MFHAS1: variants seen among roughly 807,000 people sequenced by gnomAD.
The protein encoded by MFHAS1 is malignant fibrous histiocytoma-amplified sequence 1.
MFHAS1 carries 50 observed loss-of-function variants against 70.4 expected under a neutral mutation model. The observed-to-expected ratio is 0.71, with a 90% CI of 0.57 to 0.90. The LOEUF (loss-of-function observed/expected upper bound fraction) is 0.90. MFHAS1 is among the 40% of genes least tolerant of loss of function. MFHAS1 has a pLI of 0.00. For synonymous variants in MFHAS1, 952 were observed against 620.0 expected (o/e 1.54, Z -7.96); for missense variants, 1,795 against 1,347.6 (o/e 1.33, Z -5.20).
chr8:8,812,397 C>G (rs1299335058), intron 1 of MFHAS1, among the ~76,000 whole-genome samples: 1 of 152,298 alleles, frequency 6.6e-6, no homozygotes. Flanking sequence ...GGGCACATCT[C>G]TGGAGATCTT....
At position 8,891,735 on chromosome 8, in the gene MFHAS1, C is replaced by G. The variant is rs139200475; in HGVS notation, c.1324G>C (p.Asp442His). ...GACGGTGGGTAGCACTTCTCCTTGT[C>G]CCCTCCTCCTGGGCATCCCTCCACT... ...ERVEGCPGGG[D>H]KEKCYPPSPP... The change falls in exon 1 of 3, where the codon GAC (aspartate) becomes CAC (histidine). Residue 442 changes from aspartate (D) to histidine (H), a missense_variant. Transcript: ENST00000276282. The surrounding 1 kb of genome is among the most constrained non-coding windows in gnomAD (Gnocchi z 5.4). 2 of 1,613,416 alleles carry G rather than the reference C, an allele frequency of 1.2e-6. No homozygotes were observed. Among genetic ancestry groups the G allele is most frequent in the Non-Finnish European group, 8.5e-7 (1 of 1,180,028 alleles).
At chr8:8,868,670 G>A (rs1808954495) in intron 1 of MFHAS1, among the ~76,000 whole-genome samples, 2 of 152,108 alleles carry the variant, frequency 1.3e-5, no homozygotes, top group African/African-American at 2.4e-5. Flanking sequence ...CCTCTCTAAT[G>A]AATTACTCAT....
chr8:8,841,244 G>A (rs1010202339), intron 1 of MFHAS1, among the ~76,000 whole-genome samples: 7 of 152,166 alleles, frequency 4.6e-5, no homozygotes, highest in Non-Finnish European at 8.8e-5. Context: ...GGAGGCCGAG[G>A]CAGGCGGATC....
At chr8:8,794,432 G>C (rs758161063) in intron 2 of MFHAS1, among the ~76,000 whole-genome samples, 7 of 152,230 alleles carry the variant, frequency 4.6e-5, no homozygotes, top group Admixed American at 2.6e-4. Context: ...GACCTTCCCC[G>C]GAGCCTGGCC....
In MFHAS1 at chr8:8,785,259, G is replaced by A. The variant is rs1805498139; in HGVS notation, c.*763C>T. The A allele has an allele frequency of 6.6e-6, 1 of 152,134 alleles. No individual in the cohort carries two copies. Among genetic ancestry groups the A allele is most frequent in the African/African-American group, 2.4e-5 (1 of 41,424 alleles). The allele number at this position is 152,134 out of a possible 1,614,324, so 9.4% of individuals were successfully genotyped here. A position where few individuals can be genotyped will look rare whatever the true frequency, so the allele number is the denominator to read the frequency against. On this transcript the variant is annotated 3_prime_UTR_variant, in exon 3 of 3. Transcript: ENST00000276282. ...AGGATTTCCCACCAGCGTGCCAGATGATTTATATAGGCAGGGACCTTCATT... is the reference window on the plus strand; with the variant it reads ...AGGATTTCCCACCAGCGTGCCAGATAATTTATATAGGCAGGGACCTTCATT...
At chr8:8,839,451 A>T (rs1403575607) in intron 1 of MFHAS1, among the ~76,000 whole-genome samples, 1 of 152,204 alleles carries the variant, frequency 6.6e-6, no homozygotes, top group East Asian at 1.9e-4. Flanking sequence ...CCTTTAACAA[A>T]TATCACAGAA....
Position 8,892,065 on chromosome 8 carries a change from G to A in MFHAS1, c.994C>T (p.Arg332Cys), listed in dbSNP as rs761180944. 4 of 1,613,222 alleles carry A rather than the reference G, an allele frequency of 2.5e-6. No individual in the cohort carries two copies. Among genetic ancestry groups the A allele is most frequent in the Admixed American group, 1.7e-5 (1 of 60,006 alleles). ...TCCACGATGGAGTCCGGCAGGTAGCGGATGCGGTTATTATCCAGCCACAAG... is the reference window on the plus strand; with the variant it reads ...TCCACGATGGAGTCCGGCAGGTAGCAGATGCGGTTATTATCCAGCCACAAG... ...LTLWLDNNRIRYLPDSIVELT... is the reference protein window; with the variant it reads ...LTLWLDNNRICYLPDSIVELT... Residue 332 changes from arginine (R) to cysteine (C), a missense_variant, in exon 1 of 3, where the codon CGC becomes TGC. By Grantham distance (180) the Arg-to-Cys change is radical (BLOSUM62 -3). Transcript: ENST00000276282. This position sits in a 1 kb window ranked among gnomAD's most constrained non-coding sequence, Gnocchi z 4.7.
intron 1 of MFHAS1, among the ~76,000 whole-genome samples, chr8:8,813,939 C>CCT (rs1554478223): frequency 7.2e-6 from 1 of 138,572 alleles, no homozygotes; most frequent in African/African-American, 2.6e-5. Context: ...ACATTTTTAT[C>CCT]TTTTTTTTTT....
chr8:8,879,797 C>G (rs965619380), intron 1 of MFHAS1, among the ~76,000 whole-genome samples: 1 of 152,192 alleles, frequency 6.6e-6, no homozygotes, highest in African/African-American at 2.4e-5. Flanking sequence ...ACTCCCAGTT[C>G]AGTACAAACT....
intron 1 of MFHAS1, among the ~76,000 whole-genome samples, chr8:8,821,087 C>T (rs1006747719): frequency 6.6e-6 from 1 of 152,182 alleles, no homozygotes; most frequent in Non-Finnish European, 1.5e-5. Flanking sequence ...CACATATCTT[C>T]CCCCTGCCTG....
chr8:8,863,019 G>T (rs377742910), intron 1 of MFHAS1, among the ~76,000 whole-genome samples: 1 of 152,244 alleles, frequency 6.6e-6, no homozygotes, highest in East Asian at 1.9e-4. Context: ...AAGTTAATTT[G>T]TGTATATAGT....
At chr8:8,797,215 G>T in intron 2 of MFHAS1, 150 bp downstream of exon 2, 1 of 717,450 alleles carries the variant, frequency 1.4e-6, no homozygotes, top group Non-Finnish European at 2.1e-6. Context: ...CATAAATCAT[G>T]ATGCTGATGT....
At chr8:8,835,413 G>A (rs1807562888) in intron 1 of MFHAS1, among the ~76,000 whole-genome samples, 1 of 152,184 alleles carries the variant, frequency 6.6e-6, no homozygotes, top group Non-Finnish European at 1.5e-5. Context: ...CCGGAGCAGA[G>A]TTACGAGATA....
intron 2 of MFHAS1, among the ~76,000 whole-genome samples, chr8:8,787,775 G>C (rs974148196): frequency 6.6e-6 from 1 of 152,206 alleles, no homozygotes; most frequent in African/African-American, 2.4e-5. Flanking sequence ...GAATCTGACA[G>C]ACCTTCAGAA....
intron 1 of MFHAS1, among the ~76,000 whole-genome samples, chr8:8,831,648 C>T (rs540925854): frequency 1.9e-4 from 29 of 150,102 alleles, no homozygotes; most frequent in Middle Eastern, 3.4e-3. Context: ...CAGTCTCACT[C>T]GGTCGCCCAG....
At chr8:8,830,636 T>A (rs573965972) in intron 1 of MFHAS1, among the ~76,000 whole-genome samples, 1 of 152,200 alleles carries the variant, frequency 6.6e-6, no homozygotes, top group Non-Finnish European at 1.5e-5. Context: ...GGATTCTTGC[T>A]CTTTCTTCTA....
chr8:8,817,987 T>C (rs1292762485), intron 1 of MFHAS1, among the ~76,000 whole-genome samples: 1 of 152,188 alleles, frequency 6.6e-6, no homozygotes, highest in Non-Finnish European at 1.5e-5. Flanking sequence ...GCCCGGGGAC[T>C]GAGGACCCCT....
At chr8:8,888,231 A>C (rs7013902) in intron 1 of MFHAS1, among the ~76,000 whole-genome samples, 1 of 152,248 alleles carries the variant, frequency 6.6e-6, no homozygotes, top group African/African-American at 2.4e-5. Context: ...TTCATGCTTA[A>C]GAATTAAATT....
chr8:8,805,677 T>C (rs1200902773), intron 1 of MFHAS1, among the ~76,000 whole-genome samples: 2 of 152,088 alleles, frequency 1.3e-5, no homozygotes, highest in African/African-American at 4.8e-5. Context: ...GACAACCTTT[T>C]GTTTGGAGGG....
Sources: allele counts gnomAD v4.1 joint callset (sites outside exome capture counted in the v4.1 genomes callset), GRCh38; gene constraint gnomAD v4.1.1; non-coding constraint Gnocchi (gnomAD v3.1); transcripts MANE v1.5; gene names NCBI Gene and HGNC (gene_info 2026-07-23, HGNC 2026-07-21).